C19orf84: variants seen among roughly 807,000 people sequenced by gnomAD.
C19orf84 encodes the protein chromosome 19 open reading frame 84, also known as piRNA-mediated silencing protein C19orf84.
A neutral mutation model predicts 4.0 loss-of-function variants in C19orf84; 1 was observed. The observed-to-expected ratio is 0.25, with a 90% CI of 0.09 to 1.19. C19orf84 has a LOEUF of 1.19. C19orf84 is among the 50% of genes most tolerant of loss of function. The pLI is 0.50. For synonymous variants in C19orf84, 123 were observed against 109.6 expected, an observed-to-expected ratio of 1.12 and a Z score of -0.76; for missense variants, 224 against 246.8, an observed-to-expected ratio of 0.91 and a Z score of 0.62.
chr19:51,388,769 A>G lies in C19orf84; in HGVS notation c.*215T>C. The G allele has an allele frequency of 1.7e-6, 1 of 595,512 alleles. No individual in the cohort carries two copies. The highest frequency in any genetic ancestry group is 3.0e-6 in the Non-Finnish European group (1 of 338,786). 36.9% of individuals were successfully genotyped at this position (595,512 alleles called of 1,614,324 possible). A position where few individuals can be genotyped will look rare whatever the true frequency, so the allele number is the denominator to read the frequency against. On this transcript the variant is annotated 3_prime_UTR_variant, in exon 2 of 2. Transcript: ENST00000574814. The stretch of plus-strand genomic sequence containing the variant: ...GGCCATCAAGGAGACAGGTTTGGGT[A>G]CGAGGTTTAGGATTTTCTTCTCACT...
rs1320520302 is a variant in C19orf84, at chr19:51,388,701, G to A, written c.*283C>T. On this transcript the variant is annotated 3_prime_UTR_variant, in exon 2 of 2. Coordinates refer to ENST00000574814, the MANE Select transcript of C19orf84 (RefSeq NM_001193623.2). ...GCCCTGGGGGTTGAGAATGAGGTAA[G>A]GATTGTGGTTGTGGTTGGGGATGGC... is the stretch of plus-strand genomic sequence containing the variant. The A allele has an allele frequency of 8.0e-6, 4 of 499,698 alleles. No individual in the cohort carries two copies. Among genetic ancestry groups the A allele is most frequent in the Non-Finnish European group, 1.1e-5 (3 of 279,156 alleles). 31.0% of individuals were successfully genotyped at this position (499,698 alleles called of 1,614,324 possible).
intron 1 of C19orf84, chr19:51,390,261 G>A (rs960907380): frequency 3.1e-5 from 13 of 424,168 alleles, no homozygotes; most frequent in South Asian, 2.4e-4. Flanking sequence ...ACAGGCATAA[G>A]CCACTGCACC....
chr19:51,390,341 G>T, intron 1 of C19orf84, 137 bp downstream of exon 1: 1 of 726,770 alleles, frequency 1.4e-6, no homozygotes, highest in Non-Finnish European at 2.0e-6. Context: ...GTACCTATGT[G>T]ATGATACCTG....
intron 1 of C19orf84, chr19:51,390,238 A>G (rs1195041625): frequency 7.8e-6 from 3 of 382,268 alleles, no homozygotes; most frequent in African/African-American, 4.2e-5. Flanking sequence ...CGGCCTCCCA[A>G]AGTGCTGGGA....
chr19:51,390,501 T>C lies in C19orf84; in HGVS notation c.12A>G (p.Pro4=), dbSNP rs983760854. ...ACCCTTCAGGCCCAGCCCCGTCCTT[T>C]GGTTGTTCCATCTCCACTGGGGCCC... MEQ[P]KDGAGPEGNN... is the part of the protein sequence containing the mutation. Residue 4 remains proline, a synonymous_variant, in exon 1 of 2, where the codon CCA becomes CCG. Coordinates refer to ENST00000574814, the MANE Select transcript of C19orf84 (RefSeq NM_001193623.2). 8 of 1,531,782 alleles carry C rather than the reference T, an allele frequency of 5.2e-6. No homozygotes were observed. Among genetic ancestry groups the C allele is most frequent in the African/African-American group, 2.8e-5 (2 of 72,620 alleles). 94.9% of individuals were successfully genotyped at this position (1,531,782 alleles called of 1,614,324 possible).
At position 51,390,514 on chromosome 19, in the gene C19orf84, T is replaced by G; in HGVS notation, c.-2A>C. ...AGCCCCGTCCTTTGGTTGTTCCATC[T>G]CCACTGGGGCCCTCTTACGTATCTT... On this transcript the variant is annotated 5_prime_UTR_variant, in exon 1 of 2. Transcript: ENST00000574814. The G allele has an allele frequency of 6.5e-7, 1 of 1,532,212 alleles. No homozygotes were observed. 94.9% of individuals were successfully genotyped at this position (1,532,212 alleles called of 1,614,324 possible).
At position 51,390,508 on chromosome 19, in the gene C19orf84, TC is replaced by T; in HGVS notation, c.4del (p.Glu2AsnfsTer37). The T allele has an allele frequency of 6.5e-7, 1 of 1,532,638 alleles. No individual in the cohort carries two copies. The highest frequency in any genetic ancestry group is 8.7e-7 in the Non-Finnish European group (1 of 1,145,136). The allele number at this position is 1,532,638 out of a possible 1,614,324, so 94.9% of individuals were successfully genotyped here. On this transcript the variant is annotated frameshift_variant, in exon 1 of 2. Coordinates refer to ENST00000574814, the MANE Select transcript of C19orf84 (RefSeq NM_001193623.2). LOFTEE classifies it low-confidence loss of function (END_TRUNC). ...AGGCCCAGCCCCGTCCTTTGGTTGTTCCATCTCCACTGGGGCCCTCTTACGT... is the reference window on the plus strand; with the variant it reads ...AGGCCCAGCCCCGTCCTTTGGTTGTTCATCTCCACTGGGGCCCTCTTACGT... M[E>X]QPKDGAGPEG...
Position 51,389,065 on chromosome 19 carries a change from C to A in C19orf84, c.480G>T (p.Gln160His). ...TLPSPPTLPAQDGKKEARGPE... is the reference protein window; with the variant it reads ...TLPSPPTLPAHDGKKEARGPE... ...GACCTCGAGCTTCTTTCTTCCCATC[C>A]TGGGCAGGCAGTGTTGGTGGTGATG... is the stretch of plus-strand genomic sequence containing the variant. The change falls in exon 2 of 2, where the codon CAG (glutamine) becomes CAT (histidine). Residue 160 changes from glutamine to histidine, a missense_variant. By Grantham distance (24) the Gln-to-His change is conservative (BLOSUM62 0). Coordinates refer to ENST00000574814, the MANE Select transcript of C19orf84 (RefSeq NM_001193623.2). This position sits in a 1 kb window ranked among gnomAD's most constrained non-coding sequence, Gnocchi z 4.7. The A allele has an allele frequency of 6.7e-7, 1 of 1,492,962 alleles. No homozygotes were observed. The highest frequency in any genetic ancestry group is 8.9e-7 in the Non-Finnish European group (1 of 1,121,990). The allele number at this position is 1,492,962 out of a possible 1,614,324, so 92.5% of individuals were successfully genotyped here.
In C19orf84 at chr19:51,390,448, C is replaced by A. The variant is rs754938356; in HGVS notation, c.35+30G>T. On this transcript the variant is annotated intron_variant, in intron 1 of 1. Transcript: ENST00000574814. ...CCCCTCCTCTCTCTGGGTCTCTGTC[C>A]CCCTCTCAGGAGGTCTTTGTTTGTC... is the stretch of plus-strand genomic sequence containing the variant. 20 of 1,528,946 alleles carry A rather than the reference C, an allele frequency of 1.3e-5. No homozygotes were observed. In the South Asian group the frequency reaches 2.4e-4, roughly 18 times the overall value. 94.7% of individuals were successfully genotyped at this position (1,528,946 alleles called of 1,614,324 possible). A position where few individuals can be genotyped will look rare whatever the true frequency, so the allele number is the denominator to read the frequency against.
In C19orf84 at chr19:51,389,134, C is replaced by T. The variant is rs994872836; in HGVS notation, c.411G>A (p.Ala137=). Residue 137 remains alanine, a synonymous_variant, in exon 2 of 2, where the codon GCG becomes GCA. Coordinates refer to ENST00000574814, the MANE Select transcript of C19orf84 (RefSeq NM_001193623.2). This position sits in a 1 kb window ranked among gnomAD's most constrained non-coding sequence, Gnocchi z 4.7. ...TCCTGGGGCCAGCCCCAGGGCCCCC[C>T]GCCCGGCCCCTCTCTGGCTGCTCAG... ...GRAEQPERGR[A]GGPGAGPRTP... 1.3e-6 allele frequency: 2 copies of T among 1,535,878 alleles called. No homozygotes were observed. Among genetic ancestry groups the T allele is most frequent in the Admixed American group, 2.0e-5 (1 of 50,992 alleles).
Position 51,388,727 on chromosome 19 carries a change from A to G in C19orf84, c.*257T>C. Reference sequence around the variant, plus strand: ...GATTGTGGTTGTGGTTGGGGATGGCATTGGGAATGGGGTTGAGGCCATCAA... The same window carrying G: ...GATTGTGGTTGTGGTTGGGGATGGCGTTGGGAATGGGGTTGAGGCCATCAA... On this transcript the variant is annotated 3_prime_UTR_variant, in exon 2 of 2. Coordinates refer to ENST00000574814, the MANE Select transcript of C19orf84 (RefSeq NM_001193623.2). 1.9e-6 allele frequency: 1 copy of G among 538,332 alleles called. No individual in the cohort carries two copies. Among genetic ancestry groups the G allele is most frequent in the South Asian group, 2.2e-5 (1 of 44,802 alleles). 33.3% of individuals were successfully genotyped at this position (538,332 alleles called of 1,614,324 possible).
Position 51,389,333 on chromosome 19 carries a change from G to A in C19orf84, c.212C>T (p.Ala71Val), listed in dbSNP as rs1987212330. The A allele has an allele frequency of 1.3e-6, 2 of 1,534,742 alleles. No homozygotes were observed. Among genetic ancestry groups the A allele is most frequent in the Admixed American group, 2.0e-5 (1 of 50,736 alleles). ...LDTLSCLLHS[A>V]LLGAYTFQQA... Reference sequence around the variant, plus strand: ...TTGGAAGGTGTAGGCCCCCAGCAGGGCGCTGTGCAGGAGGCAGGAGAGGGT... The same window carrying A: ...TTGGAAGGTGTAGGCCCCCAGCAGGACGCTGTGCAGGAGGCAGGAGAGGGT... Residue 71 changes from alanine (A) to valine (V), a missense_variant, in exon 2 of 2, where the codon GCC (alanine) becomes GTC (valine). By Grantham distance (64) the Ala-to-Val change is moderately conservative. Transcript: ENST00000574814. This position sits in a 1 kb window ranked among gnomAD's most constrained non-coding sequence, Gnocchi z 4.7.
rs1195979062 is a variant in C19orf84 at position 51,390,487 on chromosome 19, C to G, written c.26G>C (p.Gly9Ala). The G allele has an allele frequency of 6.5e-7, 1 of 1,533,492 alleles. No individual in the cohort carries two copies. Among genetic ancestry groups the G allele is most frequent in the African/African-American group, 1.4e-5 (1 of 72,852 alleles). The allele number at this position is 1,533,492 out of a possible 1,614,324, so 95.0% of individuals were successfully genotyped here. ...TCTTTGTTTGTCTCACCCTTCAGGC[C>G]CAGCCCCGTCCTTTGGTTGTTCCAT... The part of the protein sequence containing the change: MEQPKDGA[G>A]PEGNNLSLPS... Residue 9 changes from glycine (G) to alanine (A), a missense_variant, in exon 1 of 2, where the codon GGG becomes GCG. Transcript: ENST00000574814.
Position 51,388,645 on chromosome 19 carries a change from T to G in C19orf84, c.*339A>C. 2 of 318,646 alleles carry G rather than the reference T, an allele frequency of 6.3e-6. No homozygotes were observed. Among genetic ancestry groups the G allele is most frequent in the East Asian group, 7.6e-5 (1 of 13,182 alleles). 19.7% of individuals were successfully genotyped at this position (318,646 alleles called of 1,614,324 possible). ...AGGCAGGTAGGAGTGGCTTTGGGAT[T>G]AGGGAGAGGATAGGGAATGGGGTTG... On this transcript the variant is annotated 3_prime_UTR_variant, in exon 2 of 2. Coordinates refer to ENST00000574814, the MANE Select transcript of C19orf84 (RefSeq NM_001193623.2).
chr19:51,389,128 G>GT lies in C19orf84; in HGVS notation c.416_417insA (p.Gly141TrpfsTer40), dbSNP rs1946094955. On this transcript the variant is annotated frameshift_variant, in exon 2 of 2. Coordinates refer to ENST00000574814, the MANE Select transcript of C19orf84 (RefSeq NM_001193623.2). LOFTEE classifies it low-confidence loss of function (END_TRUNC). This position sits in a 1 kb window ranked among gnomAD's most constrained non-coding sequence, Gnocchi z 4.7. ...GTGGGGTCCTGGGGCCAGCCCCAGG[G>GT]CCCCCCGCCCGGCCCCTCTCTGGCT... 3 of 1,515,236 alleles carry GT rather than the reference G, an allele frequency of 2.0e-6. No homozygotes were observed. In the South Asian group the frequency reaches 3.6e-5, roughly 18 times the overall value. 93.9% of individuals were successfully genotyped at this position (1,515,236 alleles called of 1,614,324 possible).
At position 51,388,941 on chromosome 19, in the gene C19orf84, C is replaced by T. The variant is rs149155932; in HGVS notation, c.*43G>A. The T allele has an allele frequency of 4.2e-4, 649 of 1,532,862 alleles. 3 individuals carry two copies. The African/African-American group carries it at 7.3e-3, about 17-fold the overall frequency. 95.0% of individuals were successfully genotyped at this position (1,532,862 alleles called of 1,614,324 possible). A position where few individuals can be genotyped will look rare whatever the true frequency, so the allele number is the denominator to read the frequency against. ...GATCACTCTGGGCCCCAGGAAAACC[C>T]TCCTGGGTGACTGCAATCTCAGGTG... On this transcript the variant is annotated 3_prime_UTR_variant, in exon 2 of 2. Coordinates refer to ENST00000574814, the MANE Select transcript of C19orf84 (RefSeq NM_001193623.2).
Position 51,388,805 on chromosome 19 carries a change from G to C in C19orf84, c.*179C>G. The stretch of plus-strand genomic sequence containing the variant: ...GATTTTCTTCTCACTTGGGATTCAG[G>C]TGACTTAGGTCAGGTTCACCAAGTG... On this transcript the variant is annotated 3_prime_UTR_variant, in exon 2 of 2. Coordinates refer to ENST00000574814, the MANE Select transcript of C19orf84 (RefSeq NM_001193623.2). 1.5e-6 allele frequency: 1 copy of C among 666,746 alleles called. No homozygotes were observed. The highest frequency in any genetic ancestry group is 2.5e-6 in the Non-Finnish European group (1 of 399,508). 41.3% of individuals were successfully genotyped at this position (666,746 alleles called of 1,614,324 possible).
chr19:51,389,464 A>G lies in C19orf84; in HGVS notation c.81T>C (p.Pro27=). 1 of 1,439,334 alleles carries G rather than the reference A, an allele frequency of 6.9e-7. No individual in the cohort carries two copies. Among genetic ancestry groups the G allele is most frequent in the Non-Finnish European group, 9.1e-7 (1 of 1,100,414 alleles). The allele number at this position is 1,439,334 out of a possible 1,614,324, so 89.2% of individuals were successfully genotyped here. ...AGGGTGGAGGGGCTGGGAGAGGCGC[A>G]GGGGGCCATGGCTCGGTCCCAGATG... is the stretch of plus-strand genomic sequence containing the variant. ...LPSSGTEPWP[P]APLPAPPPLL... is the part of the protein sequence containing the mutation. Residue 27 remains proline, a synonymous_variant, in exon 2 of 2, where the codon CCT becomes CCC. Coordinates refer to ENST00000574814, the MANE Select transcript of C19orf84 (RefSeq NM_001193623.2). The surrounding 1 kb of genome is among the most constrained non-coding windows in gnomAD (Gnocchi z 4.7).
chr19:51,388,778 A>T lies in C19orf84; in HGVS notation c.*206T>A. The T allele has an allele frequency of 1.6e-6, 1 of 612,980 alleles. No homozygotes were observed. The highest frequency in any genetic ancestry group is 2.8e-6 in the Non-Finnish European group (1 of 352,576). 38.0% of individuals were successfully genotyped at this position (612,980 alleles called of 1,614,324 possible). On this transcript the variant is annotated 3_prime_UTR_variant, in exon 2 of 2. Transcript: ENST00000574814. ...GGAGACAGGTTTGGGTACGAGGTTT[A>T]GGATTTTCTTCTCACTTGGGATTCA...
Sources: allele counts gnomAD v4.1 joint callset, GRCh38; gene constraint gnomAD v4.1.1; non-coding constraint Gnocchi (gnomAD v3.1); transcripts MANE v1.5; gene names NCBI Gene and HGNC (gene_info 2026-07-23, HGNC 2026-07-21).